Variants in HTR4 observed in about 807,000 individuals in gnomAD.
The protein encoded by HTR4 is 5-hydroxytryptamine (serotonin) receptor 4, G protein-coupled.
A neutral mutation model predicts 36.8 loss-of-function variants in HTR4; 16 were observed. That is an observed-to-expected ratio of 0.43 (90% confidence interval 0.29 to 0.66). HTR4 has a LOEUF of 0.66. Among genes scored for constraint, HTR4 ranks in the 30% least tolerant of loss-of-function variants. HTR4 has a pLI of 0.13. For synonymous variants in HTR4, 189 were observed against 185.1 expected, an observed-to-expected ratio of 1.02 and a Z score of -0.17; for missense variants, 438 against 490.9, an observed-to-expected ratio of 0.89 and a Z score of 1.02.
chr5:148,582,480 G>A (rs1761176514), intron 2 of HTR4, among the ~76,000 whole-genome samples: 1 of 151,706 alleles, frequency 6.6e-6, no homozygotes, highest in Non-Finnish European at 1.5e-5. Flanking sequence ...TCCTCTAGTG[G>A]TCCCCAGTGT....
At position 148,617,092 on chromosome 5, in the gene HTR4, G is replaced by A. The variant is rs117279547; in HGVS notation, c.26+19897C>T. Among the ~76,000 whole-genome samples, 140 of 152,280 alleles carry A rather than the reference G, an allele frequency of 9.2e-4. 1 individual carries two copies. In the East Asian group the frequency reaches 0.026, roughly 28 times the overall value. On this transcript the variant is annotated intron_variant, in intron 2 of 6. Transcript: ENST00000377888. ...TGTTGAACTATAATCCTCATTGTCG[G>A]AGGTAGGACCTGGTAGGAGGTGGCT...
chr5:148,541,117 A>G (rs1759097776), intron 4 of HTR4, among the ~76,000 whole-genome samples: 1 of 152,196 alleles, frequency 6.6e-6, no homozygotes, highest in African/African-American at 2.4e-5. Context: ...TATTAATAAC[A>G]CAATTTTTAC....
chr5:148,520,816 TA>T, intron 5 of HTR4: 1 of 1,265,582 alleles, frequency 7.9e-7, no homozygotes, highest in Non-Finnish European at 1.1e-6. Flanking sequence ...CAGTTTAAAA[TA>T]AATTGGATAG....
chr5:148,471,190 G>C (rs990573767), intron 5 of HTR4, among the ~76,000 whole-genome samples: 1 of 152,150 alleles, frequency 6.6e-6, no homozygotes, highest in Non-Finnish European at 1.5e-5. Flanking sequence ...TAGGGATACT[G>C]TACTTTCTCC....
chr5:148,651,611 T>C (rs968394880), intron 1 of HTR4, among the ~76,000 whole-genome samples: 9 of 151,996 alleles, frequency 5.9e-5, no homozygotes, highest in African/African-American at 2.2e-4. Context: ...AGCACAGTCC[T>C]CACAACAACG....
intron 5 of HTR4, among the ~76,000 whole-genome samples, chr5:148,512,957 C>T (rs1757565475): frequency 6.6e-6 from 1 of 151,602 alleles, no homozygotes; most frequent in Non-Finnish European, 1.5e-5. Context: ...GATGTAAAGA[C>T]ATTCTTTTAC....
intron 2 of HTR4, among the ~76,000 whole-genome samples, chr5:148,574,513 G>A (rs538862100): frequency 5.3e-5 from 8 of 152,120 alleles, no homozygotes; most frequent in African/African-American, 1.9e-4. Context: ...AAAATTCAGG[G>A]AGGTTAGAAT....
chr5:148,576,110 C>CA (rs781780161), intron 2 of HTR4, among the ~76,000 whole-genome samples: 751 of 32,392 alleles, frequency 0.023, 66 homozygotes, highest in Non-Finnish European at 0.029. Context: ...GACTCCGTCT[C>CA]AAAAAAAAAA....
At chr5:148,502,723 G>A (rs965724351) in intron 6 of HTR4, among the ~76,000 whole-genome samples, 7 of 152,160 alleles carry the variant, frequency 4.6e-5, no homozygotes, top group Admixed American at 1.3e-4. Flanking sequence ...TAAACCCATC[G>A]CAAAGAAGCT....
At chr5:148,523,417 A>T in intron 4 of HTR4, 71 bp from the exon 5 acceptor site, 1 of 1,299,514 alleles carries the variant, frequency 7.7e-7, no homozygotes, top group Non-Finnish European at 1.0e-6. Flanking sequence ...AAGAGAATAT[A>T]TGAGAGAGAA....
chr5:148,617,126 A>G (rs1259246003), intron 2 of HTR4, among the ~76,000 whole-genome samples: 1 of 152,188 alleles, frequency 6.6e-6, no homozygotes, highest in African/African-American at 2.4e-5. Flanking sequence ...CTGGATCATG[A>G]GGATAGATTT....
chr5:148,553,031 G>A (rs1280702950), intron 2 of HTR4, among the ~76,000 whole-genome samples: 1 of 152,226 alleles, frequency 6.6e-6, no homozygotes, highest in African/African-American at 2.4e-5. Context: ...TCTGAGCGCT[G>A]TCATTTGAAA....
At chr5:148,626,561 A>G (rs1458963671) in intron 2 of HTR4, among the ~76,000 whole-genome samples, 1 of 152,248 alleles carries the variant, frequency 6.6e-6, no homozygotes, top group Admixed American at 6.5e-5. Context: ...CAATGAATAC[A>G]CAACAGGTGA....
intron 5 of HTR4, among the ~76,000 whole-genome samples, chr5:148,513,630 T>C (rs572541959): frequency 1.6e-3 from 248 of 152,310 alleles, no homozygotes; most frequent in Middle Eastern, 3.4e-3. Flanking sequence ...TATTTCCATA[T>C]AAAATTTAAA....
chr5:148,575,047 T>C (rs1335916523), intron 2 of HTR4, among the ~76,000 whole-genome samples: 1 of 152,066 alleles, frequency 6.6e-6, no homozygotes, highest in Non-Finnish European at 1.5e-5. Flanking sequence ...GATTGAATCA[T>C]GTATTCCTCA....
chr5:148,546,576 T>G (rs1759393608), intron 4 of HTR4, among the ~76,000 whole-genome samples: 1 of 152,166 alleles, frequency 6.6e-6, no homozygotes, highest in Non-Finnish European at 1.5e-5. Context: ...CTCTAGACCT[T>G]CTCTCAGGGC....
At chr5:148,557,772 T>A (rs947112544) in intron 2 of HTR4, among the ~76,000 whole-genome samples, 1 of 148,142 alleles carries the variant, frequency 6.8e-6, no homozygotes, top group African/African-American at 2.5e-5. Flanking sequence ...ATATATAATA[T>A]ATTATATAAT....
intron 6 of HTR4, among the ~76,000 whole-genome samples, chr5:148,503,730 G>GTGGTGTT (rs1416006049): frequency 2.0e-5 from 3 of 152,152 alleles, no homozygotes; most frequent in East Asian, 1.9e-4. Flanking sequence ...CCATCAGTGT[G>GTGGTGTT]CGGTGTTCAG....
chr5:148,482,388 C>G lies in HTR4; in HGVS notation c.*815G>C, dbSNP rs1755928365. 1 of 985,528 alleles carries G rather than the reference C, an allele frequency of 1.0e-6. No homozygotes were observed. Among genetic ancestry groups the G allele is most frequent in the South Asian group, 4.7e-5 (1 of 21,296 alleles). The allele number at this position is 985,528 out of a possible 1,614,324, so 61.0% of individuals were successfully genotyped here. ...TAGAAGACGTCCCGTTCTAGCCCAG[C>G]AGGAGAGCGAGCATCTCAGGGCAGA... is the stretch of plus-strand genomic sequence containing the variant. On this transcript the variant is annotated 3_prime_UTR_variant, in exon 7 of 7. Coordinates refer to ENST00000377888, the MANE Select transcript of HTR4 (RefSeq NM_000870.7).
Sources: gnomAD v4.1 joint callset for allele counts (sites outside exome capture counted in the v4.1 genomes callset) on GRCh38, gnomAD v4.1.1 for gene constraint, MANE v1.5 for transcripts, NCBI Gene and HGNC (gene_info 2026-07-23, HGNC 2026-07-21) for gene names.